NREP: variants seen among roughly 807,000 people sequenced by gnomAD.
NREP encodes neuronal regeneration-related protein.
In NREP, 5 loss-of-function variants were observed where a neutral mutation model predicts 8.6. The observed-to-expected ratio is 0.58, with a 90% CI of 0.30 to 1.22. The LOEUF is 1.22. Among genes scored for constraint, NREP ranks in the 50% most tolerant of loss-of-function variants. NREP has a pLI of 0.07. For synonymous variants in NREP, 27 were observed against 28.0 expected, an observed-to-expected ratio of 0.96 and a Z score of 0.11; for missense variants, 86 against 82.5, an observed-to-expected ratio of 1.04 and a Z score of -0.17.
At chr5:111,768,957 G>A (rs756910797) in intron 2 of NREP, among the ~76,000 whole-genome samples, 6 of 152,186 alleles carry the variant, frequency 3.9e-5, no homozygotes, top group African/African-American at 7.2e-5. Context: ...CACAGTGGCT[G>A]CACTAATTTA....
intron 2 of NREP, among the ~76,000 whole-genome samples, chr5:111,920,823 G>C (rs1398917584): frequency 1.3e-5 from 2 of 152,140 alleles, no homozygotes; most frequent in Non-Finnish European, 2.9e-5. Context: ...CCTGGTTCAA[G>C]GTAGCTCTTC....
At chr5:111,791,406 G>T (rs1300470785) in intron 2 of NREP, among the ~76,000 whole-genome samples, 1 of 152,008 alleles carries the variant, frequency 6.6e-6, no homozygotes, top group Non-Finnish European at 1.5e-5. Context: ...TCAACTCTCC[G>T]CTTCTGTAAG....
At chr5:111,899,538 T>C (rs1462980521) in intron 2 of NREP, among the ~76,000 whole-genome samples, 1 of 151,768 alleles carries the variant, frequency 6.6e-6, no homozygotes, top group African/African-American at 2.4e-5. Context: ...AAAATAAAAC[T>C]TAAAAAAAGA....
chr5:111,775,675 G>A (rs1235989604), intron 2 of NREP, among the ~76,000 whole-genome samples: 3 of 152,110 alleles, frequency 2.0e-5, no homozygotes, highest in African/African-American at 4.8e-5. Flanking sequence ...GGCAGAAGAA[G>A]GGTAGACGAG....
chr5:111,970,825 C>CAAAAAAAAAAAAAAAAAAAAA (rs33962098), intron 2 of NREP, among the ~76,000 whole-genome samples: 3 of 53,628 alleles, frequency 5.6e-5, no homozygotes, highest in Non-Finnish European at 1.0e-4. Flanking sequence ...GACTCCATCT[C>CAAAAAAAAAAAAAAAAAAAAA]AAAAAAAAAA....
intron 2 of NREP, among the ~76,000 whole-genome samples, chr5:111,917,802 A>G (rs1438243022): frequency 1.3e-5 from 2 of 152,196 alleles, no homozygotes; most frequent in African/African-American, 4.8e-5. Context: ...CCGGCACAAG[A>G]CAGGGATGCC....
At chr5:111,946,245 AT>A (rs1755980233) in intron 2 of NREP, among the ~76,000 whole-genome samples, 2 of 151,632 alleles carry the variant, frequency 1.3e-5, no homozygotes, top group East Asian at 3.9e-4. Flanking sequence ...AAAAAAAAAA[AT>A]GGGCATAGAA....
In NREP at chr5:111,790,541, C is replaced by A. The variant is rs563287404; in HGVS notation, c.136-55034G>T. Among the ~76,000 whole-genome samples, 55 of 152,108 alleles carry A rather than the reference C, an allele frequency of 3.6e-4. 1 individual carries two copies. The highest frequency in any genetic ancestry group is 1.0e-3 in the South Asian group (5 of 4,798). On this transcript the variant is annotated intron_variant, in intron 2 of 3. Coordinates refer to the NREP transcript ENST00000395634. The stretch of plus-strand genomic sequence containing the variant: ...TTGAGAGGCCAAGGTGGAAGGTTCA[C>A]TTGAGTCCAGGACTTCAGGACCAAC...
intron 2 of NREP, among the ~76,000 whole-genome samples, chr5:111,779,098 A>G (rs1751430871): frequency 6.6e-6 from 1 of 152,212 alleles, no homozygotes; most frequent in Admixed American, 6.6e-5. Context: ...TTTGAAATAT[A>G]TGAAAAGAAA....
intron 2 of NREP, among the ~76,000 whole-genome samples, chr5:111,881,560 G>T (rs181563464): frequency 2.0e-3 from 308 of 152,298 alleles, no homozygotes; most frequent in Non-Finnish European, 3.4e-3. Context: ...CCCCCAAGCA[G>T]TCTAACTGGG....
At chr5:111,932,256 T>TG (rs765572726) in intron 2 of NREP, among the ~76,000 whole-genome samples, 3 of 152,074 alleles carry the variant, frequency 2.0e-5, no homozygotes, top group Non-Finnish European at 4.4e-5. Flanking sequence ...GAGCATTTCT[T>TG]GGGGCATAAA....
At chr5:111,871,338 T>A (rs998169312) in intron 2 of NREP, among the ~76,000 whole-genome samples, 1 of 152,084 alleles carries the variant, frequency 6.6e-6, no homozygotes, top group Admixed American at 6.6e-5. Context: ...ATGGTAAAGA[T>A]AAAAGATTTA....
At chr5:111,948,494 T>C (rs1317781549) in intron 2 of NREP, among the ~76,000 whole-genome samples, 1 of 152,136 alleles carries the variant, frequency 6.6e-6, no homozygotes, top group African/African-American at 2.4e-5. Context: ...CAGGCTAGAA[T>C]CTATCCTGAA....
intron 2 of NREP, among the ~76,000 whole-genome samples, chr5:111,871,688 G>C (rs1314547422): frequency 6.6e-6 from 1 of 151,322 alleles, no homozygotes; most frequent in East Asian, 1.9e-4. Flanking sequence ...AAACTTTTTT[G>C]TTCAAAGCTA....
At chr5:111,903,879 C>A (rs1264672824) in intron 2 of NREP, among the ~76,000 whole-genome samples, 1 of 152,102 alleles carries the variant, frequency 6.6e-6, no homozygotes, top group Non-Finnish European at 1.5e-5. Flanking sequence ...GACCTATGAT[C>A]TTATCACTGG....
chr5:111,881,696 C>A (rs920192972), intron 2 of NREP, among the ~76,000 whole-genome samples: 1 of 152,162 alleles, frequency 6.6e-6, no homozygotes, highest in Non-Finnish European at 1.5e-5. Flanking sequence ...TCTGCAGCCA[C>A]CTCTGCAGAT....
At chr5:111,882,150 T>C (rs1312726687) in intron 2 of NREP, among the ~76,000 whole-genome samples, 1 of 152,096 alleles carries the variant, frequency 6.6e-6, no homozygotes. Flanking sequence ...CTGATGGAGC[T>C]GAAAGCCAAG....
At chr5:111,868,503 G>A (rs1194073378) in intron 2 of NREP, among the ~76,000 whole-genome samples, 4 of 152,124 alleles carry the variant, frequency 2.6e-5, no homozygotes, top group African/African-American at 9.7e-5. Flanking sequence ...CAAAGAAATT[G>A]AGCCATAAAT....
chr5:111,758,314 C>A (rs1440702739), upstream of NREP: 114 of 949,980 alleles, frequency 1.2e-4, no homozygotes, highest in Non-Finnish European at 1.4e-4. Context: ...GTGCTTCCTT[C>A]TCCTTCCCTA....
Sources: allele counts gnomAD v4.1 joint callset (sites outside exome capture counted in the v4.1 genomes callset), GRCh38; gene constraint gnomAD v4.1.1; transcripts MANE v1.5; gene names NCBI Gene and HGNC (gene_info 2026-07-23, HGNC 2026-07-21).